The following ACBD6 variants were observed in gnomAD, a reference collection of about 807,000 sequenced individuals.
ACBD6 encodes acyl-CoA binding domain containing 6, also known as acyl-CoA-binding domain-containing protein 6.
ACBD6 carries 28 observed loss-of-function variants against 37.2 expected under a neutral mutation model. That is an observed-to-expected ratio of 0.75 (90% CI 0.56 to 1.03). The LOEUF (loss-of-function observed/expected upper bound fraction) is 1.03. ACBD6 is among the 50% of genes least tolerant of loss of function. The probability of loss-of-function intolerance (pLI) is 0.00; values close to 1 mark genes in which losing one functional copy is unlikely to be tolerated. For synonymous variants in ACBD6, 113 were observed against 126.8 expected, an observed-to-expected ratio of 0.89 and a Z score of 0.73; for missense variants, 340 against 337.4, an observed-to-expected ratio of 1.01 and a Z score of -0.06.
At chr1:180,433,204 G>C (rs557164195) in intron 3 of ACBD6, among the ~76,000 whole-genome samples, 1 of 151,912 alleles carries the variant, frequency 6.6e-6, no homozygotes, top group Non-Finnish European at 1.5e-5. Context: ...TGATCAACTG[G>C]GATTTATTCC....
At chr1:180,292,579 C>T (rs1301746975) in intron 7 of ACBD6, among the ~76,000 whole-genome samples, 1 of 150,758 alleles carries the variant, frequency 6.6e-6, no homozygotes, top group South Asian at 2.1e-4. Context: ...ATTGATTTTA[C>T]ATCCTGTGAA....
At chr1:180,421,095 T>C (rs1343240678) in intron 4 of ACBD6, among the ~76,000 whole-genome samples, 1 of 152,180 alleles carries the variant, frequency 6.6e-6, no homozygotes, top group African/African-American at 2.4e-5. Flanking sequence ...GGTGGTTTGC[T>C]GCACAGACTG....
At chr1:180,449,804 C>G (rs1649629696) in intron 3 of ACBD6, among the ~76,000 whole-genome samples, 1 of 151,280 alleles carries the variant, frequency 6.6e-6, no homozygotes, top group Admixed American at 6.6e-5. Context: ...AGAGAAACAC[C>G]TAATGCAAAT....
In ACBD6 at chr1:180,274,865, G is replaced by C. The variant is rs80203153; in HGVS notation, c.*722C>G. On this transcript the variant is annotated 3_prime_UTR_variant, in exon 10 of 14. Coordinates refer to the ACBD6 transcript ENST00000642319. ...GGTCTCTCCCCTGCTGTTCTGCTTA[G>C]GGGCTTGGCTGCTCAGTGCTTTGGT... The C allele has an allele frequency of 4.5e-3, 1,499 of 333,422 alleles. 20 individuals carry two copies. Among genetic ancestry groups the C allele is most frequent in the African/African-American group, 0.028 (1,354 of 48,798 alleles). The allele number at this position is 333,422 out of a possible 1,614,324, so 20.7% of individuals were successfully genotyped here.
chr1:180,354,768 T>C (rs1652559193), intron 6 of ACBD6, among the ~76,000 whole-genome samples: 1 of 152,206 alleles, frequency 6.6e-6, no homozygotes, highest in Admixed American at 6.5e-5. Context: ...CTGCTGCACC[T>C]CTATCTACCA....
intron 3 of ACBD6, among the ~76,000 whole-genome samples, chr1:180,450,844 A>G (rs1275027242): frequency 2.0e-5 from 3 of 152,230 alleles, no homozygotes; most frequent in African/African-American, 7.2e-5. Flanking sequence ...AAAAGCAAAA[A>G]TATAACAGAG....
In ACBD6 at chr1:180,357,361, A is replaced by G. The variant is rs559295659; in HGVS notation, c.663+40155T>C. On this transcript the variant is annotated intron_variant, in intron 6 of 7. Transcript: ENST00000367595. ...ATTTATGTTCCTCGATACAAATGGA[A>G]TAAGTAAAGAAACGGTAAGTCTTGA... 8.5e-5 allele frequency among the ~76,000 whole-genome samples: 13 copies of G among 152,344 alleles called. No homozygotes were observed. In the South Asian group the frequency reaches 1.4e-3, roughly 17 times the overall value.
At chr1:180,497,672 TA>T (rs991062307) in intron 1 of ACBD6, among the ~76,000 whole-genome samples, 3 of 152,074 alleles carry the variant, frequency 2.0e-5, no homozygotes, top group Admixed American at 1.3e-4. Flanking sequence ...CTACATATTC[TA>T]AAAAAAATTA....
Position 180,502,453 on chromosome 1 carries a change from G to A in ACBD6, c.-187C>T. 1.5e-6 allele frequency: 1 copy of A among 673,850 alleles called. No homozygotes were observed. The highest frequency in any genetic ancestry group is 2.7e-5 in the East Asian group (1 of 36,486). The allele number at this position is 673,850 out of a possible 1,614,324, so 41.7% of individuals were successfully genotyped here. On this transcript the variant is annotated 5_prime_UTR_variant, in exon 1 of 8. Coordinates refer to ENST00000367595, the MANE Select transcript of ACBD6 (RefSeq NM_032360.4). ...CCCACTTCTACTCCCTGGGCGTGCA[G>A]AGCAGGCTCCTCGACCCTCTGCCGC...
intron 6 of ACBD6, among the ~76,000 whole-genome samples, chr1:180,359,350 G>T (rs575632946): frequency 6.6e-6 from 1 of 152,144 alleles, no homozygotes; most frequent in East Asian, 1.9e-4. Flanking sequence ...GAGTGAGATG[G>T]ATTTTTTTTG....
At chr1:180,437,418 C>T (rs1000337494) in intron 3 of ACBD6, among the ~76,000 whole-genome samples, 3 of 152,202 alleles carry the variant, frequency 2.0e-5, no homozygotes, top group Admixed American at 6.5e-5. Context: ...CAGTTGGTGT[C>T]TGCTGCAGAA....
intron 7 of ACBD6, among the ~76,000 whole-genome samples, chr1:180,297,048 T>C (rs969034723): frequency 1.3e-5 from 2 of 152,108 alleles, no homozygotes; most frequent in Non-Finnish European, 2.9e-5. Flanking sequence ...TTTCTACATC[T>C]TAATAGTGGA....
chr1:180,445,382 G>A (rs375124195), intron 3 of ACBD6, among the ~76,000 whole-genome samples: 1 of 151,988 alleles, frequency 6.6e-6, no homozygotes, highest in African/African-American at 2.4e-5. Context: ...AACATACTTC[G>A]TTATAAGAAA....
At chr1:180,351,372 T>C (rs1308173625) in intron 6 of ACBD6, among the ~76,000 whole-genome samples, 1 of 151,072 alleles carries the variant, frequency 6.6e-6, no homozygotes, top group Non-Finnish European at 1.5e-5. Flanking sequence ...GCCTCCTGGG[T>C]TCAAGCAATT....
intron 3 of ACBD6, among the ~76,000 whole-genome samples, chr1:180,431,326 G>C (rs2101998711): frequency 6.6e-6 from 1 of 152,156 alleles, no homozygotes; most frequent in South Asian, 2.1e-4. Flanking sequence ...TTATCAACTT[G>C]TAATAGAAAC....
At chr1:180,334,941 C>T (rs1021864852) in intron 6 of ACBD6, among the ~76,000 whole-genome samples, 9 of 151,796 alleles carry the variant, frequency 5.9e-5, no homozygotes, top group Admixed American at 3.3e-4. Flanking sequence ...TGAAATGAAG[C>T]GAGAAGAGAA....
At chr1:180,373,208 CATTT>C (rs1236210552) in intron 6 of ACBD6, among the ~76,000 whole-genome samples, 5 of 152,194 alleles carry the variant, frequency 3.3e-5, no homozygotes, top group Non-Finnish European at 7.3e-5. Flanking sequence ...TTGATTACCT[CATTT>C]ATTTTTTATT....
At chr1:180,362,927 A>G (rs1431761692) in intron 6 of ACBD6, among the ~76,000 whole-genome samples, 2 of 152,226 alleles carry the variant, frequency 1.3e-5, no homozygotes, top group African/African-American at 2.4e-5. Context: ...CCCAAATCCC[A>G]ACACTCAGGT....
chr1:180,315,851 G>T (rs1490934693), intron 6 of ACBD6, among the ~76,000 whole-genome samples: 1 of 152,148 alleles, frequency 6.6e-6, no homozygotes, highest in Non-Finnish European at 1.5e-5. Context: ...TTACATGGGA[G>T]AGAGGAGATA....
Sources: gnomAD v4.1 joint callset for allele counts (sites outside exome capture counted in the v4.1 genomes callset) on GRCh38, gnomAD v4.1.1 for gene constraint, MANE v1.5 for transcripts, NCBI Gene and HGNC (gene_info 2026-07-23, HGNC 2026-07-21) for gene names.